The following LRCH1 variants were observed in gnomAD, a reference collection of about 807,000 sequenced individuals.
LRCH1 encodes the protein leucine rich repeats and calponin homology domain containing 1, also known as leucine-rich repeat and calponin homology domain-containing protein 1.
Under a neutral mutation model 94.9 loss-of-function variants are expected in LRCH1, and 23 were observed. That is an observed-to-expected ratio of 0.24 (90% CI 0.17 to 0.34). The LOEUF (loss-of-function observed/expected upper bound fraction) is 0.34. Among genes scored for constraint, LRCH1 ranks in the 10% least tolerant of loss-of-function variants. The probability of loss-of-function intolerance (pLI) is 1.00; values close to 1 mark genes in which losing one functional copy is unlikely to be tolerated. For missense variants in LRCH1, 790 were observed against 945.9 expected, an observed-to-expected ratio of 0.84 and a Z score of 2.16; for synonymous variants, 364 against 354.9, an observed-to-expected ratio of 1.03 and a Z score of -0.29.
chr13:46,553,657 C>T lies in LRCH1; in HGVS notation c.261C>T (p.Pro87=). 1 of 1,608,916 alleles carries T rather than the reference C, an allele frequency of 6.2e-7. No individual in the cohort carries two copies. The highest frequency in any genetic ancestry group is 8.5e-7 in the Non-Finnish European group (1 of 1,178,526). ...GCGCCAGGAAATTGAAGGAATTTCC[C>T]CGTACCGCAGCCCCCGGGCACGACC... ...NLSARKLKEF[P]RTAAPGHDLS... Residue 87 remains proline (P), a synonymous_variant, in exon 1 of 20, where the codon CCC becomes CCT. Transcript: ENST00000389797.
At chr13:46,694,826 G>T (rs1871090352) in intron 8 of LRCH1, 67 bp from the exon 9 acceptor site, 2 of 1,546,808 alleles carry the variant, frequency 1.3e-6, no homozygotes, top group South Asian at 1.1e-5. Context: ...CATATTTGAA[G>T]ATCAGCTGTG....
intron 1 of LRCH1, among the ~76,000 whole-genome samples, chr13:46,616,338 C>T (rs79491744): frequency 0.016 from 2,443 of 152,284 alleles, 49 homozygotes; most frequent in African/African-American, 0.046. Flanking sequence ...ATAAAAATAA[C>T]TTATTTGCTA....
chr13:46,637,473 TCTCACCCTTGTCCCCTCGCTGGAGTC>T (rs2051105872), intron 1 of LRCH1, among the ~76,000 whole-genome samples: 1 of 152,196 alleles, frequency 6.6e-6, no homozygotes. Flanking sequence ...TTCTTGATTT[TCTCACCCTTGTCCCCTCGCTGGAGTC>T]CCACAGCCTT....
chr13:46,562,417 C>T lies in LRCH1; in HGVS notation c.307+8714C>T, dbSNP rs996399094. Among the ~76,000 whole-genome samples, 7 of 152,268 alleles carry T rather than the reference C, an allele frequency of 4.6e-5. No homozygotes were observed. The East Asian group carries it at 1.2e-3, about 25-fold the overall frequency. On this transcript the variant is annotated intron_variant, in intron 1 of 19. Transcript: ENST00000389797. ...TGGCTTACAGGTGGAGGTTGTCTTC[C>T]TGGGTCTTCACAGGCCGTTCCTTTT...
At position 46,653,770 on chromosome 13, in the gene LRCH1, C is replaced by T. The variant is rs985792506; in HGVS notation, c.452+3425C>T. Among the ~76,000 whole-genome samples the T allele has an allele frequency of 4.0e-5, 6 of 151,892 alleles. No individual in the cohort carries two copies. In the South Asian group the frequency reaches 1.3e-3, roughly 32 times the overall value. ...CTGGGAGGTTGAAGCTGCGGTGAGC[C>T]GTGATTGTGCTACTGCATTCCAGCC... On this transcript the variant is annotated intron_variant, in intron 2 of 19. Coordinates refer to ENST00000389797, the MANE Select transcript of LRCH1 (RefSeq NM_001164211.2).
intron 1 of LRCH1, among the ~76,000 whole-genome samples, chr13:46,575,577 C>G (rs1376925127): frequency 6.7e-6 from 1 of 149,898 alleles, no homozygotes; most frequent in Non-Finnish European, 1.5e-5. Flanking sequence ...TTCCTACTTG[C>G]AAAAATCCTC....
intron 2 of LRCH1, among the ~76,000 whole-genome samples, chr13:46,663,642 G>A (rs1396516968): frequency 6.6e-6 from 1 of 152,218 alleles, no homozygotes; most frequent in African/African-American, 2.4e-5. Context: ...ACAAAATTAG[G>A]TGAGGTATCC....
At chr13:46,730,454 A>G (rs1199702424) in intron 18 of LRCH1, among the ~76,000 whole-genome samples, 1 of 152,132 alleles carries the variant, frequency 6.6e-6, no homozygotes, top group Non-Finnish European at 1.5e-5. Flanking sequence ...GCCCTCTCCC[A>G]TCCCCAGGAG....
At chr13:46,712,807 G>A (rs902604443) in intron 15 of LRCH1, among the ~76,000 whole-genome samples, 3 of 152,158 alleles carry the variant, frequency 2.0e-5, no homozygotes, top group African/African-American at 4.8e-5. Flanking sequence ...TTCTATCTTC[G>A]TTTGAATCCG....
At chr13:46,643,307 TC>T (rs529788020) in intron 1 of LRCH1, among the ~76,000 whole-genome samples, 216 of 152,368 alleles carry the variant, frequency 1.4e-3, no homozygotes, top group Middle Eastern at 3.4e-3. Flanking sequence ...TAGTGGTGCT[TC>T]TGGCATGGCT....
intron 1 of LRCH1, among the ~76,000 whole-genome samples, chr13:46,602,036 C>T (rs1316249824): frequency 6.6e-6 from 1 of 152,256 alleles, no homozygotes; most frequent in African/African-American, 2.4e-5. Context: ...ATCATAGATC[C>T]AGCTATGGTT....
At chr13:46,673,820 G>A (rs1422865935) in intron 3 of LRCH1, among the ~76,000 whole-genome samples, 3 of 135,958 alleles carry the variant, frequency 2.2e-5, no homozygotes, top group East Asian at 2.1e-4. Context: ...AGCGGCTGTC[G>A]CCGAGGCTAG....
At chr13:46,697,040 C>T (rs962064275) in intron 9 of LRCH1, among the ~76,000 whole-genome samples, 2 of 152,214 alleles carry the variant, frequency 1.3e-5, no homozygotes, top group African/African-American at 4.8e-5. Context: ...TGCACTCCAG[C>T]CTGGGTGAAA....
Position 46,712,736 on chromosome 13 carries a change from G to T in LRCH1, c.1654+139G>T, listed in dbSNP as rs143149671. ...ATCCTGGCATCTACAGCTAGGGGAG[G>T]CCAGAGTTTGTAGCTTTGTTTTCAG... On this transcript the variant is annotated intron_variant, in intron 15 of 19. Coordinates refer to ENST00000389797, the MANE Select transcript of LRCH1 (RefSeq NM_001164211.2). 8.8e-5 allele frequency: 63 copies of T among 718,764 alleles called. No homozygotes were observed. In the East Asian group the frequency reaches 1.5e-3, roughly 18 times the overall value. The allele number at this position is 718,764 out of a possible 1,614,324, so 44.5% of individuals were successfully genotyped here.
chr13:46,670,891 T>C (rs1476533246), intron 3 of LRCH1, among the ~76,000 whole-genome samples: 1 of 152,162 alleles, frequency 6.6e-6, no homozygotes, highest in Non-Finnish European at 1.5e-5. Context: ...TAGAAGTCCA[T>C]GTCGTGCTTG....
At chr13:46,581,139 CT>C (rs1292268331) in intron 1 of LRCH1, among the ~76,000 whole-genome samples, 1 of 152,176 alleles carries the variant, frequency 6.6e-6, no homozygotes, top group Admixed American at 6.5e-5. Flanking sequence ...CATGTGTCAG[CT>C]GCATCATGTC....
At chr13:46,567,637 A>G (rs1188311893) in intron 1 of LRCH1, among the ~76,000 whole-genome samples, 1 of 152,098 alleles carries the variant, frequency 6.6e-6, no homozygotes, top group Non-Finnish European at 1.5e-5. Flanking sequence ...TTGTTCAGAT[A>G]TTTACAATGA....
At chr13:46,662,307 G>A (rs549912550) in intron 2 of LRCH1, among the ~76,000 whole-genome samples, 1 of 152,270 alleles carries the variant, frequency 6.6e-6, no homozygotes, top group South Asian at 2.1e-4. Context: ...TTTCCTGTGT[G>A]CCAGGAGCAA....
intron 1 of LRCH1, among the ~76,000 whole-genome samples, chr13:46,558,600 C>CAAAAAAAAAAAAAAAAAAAAAAAAAA (rs2050094947): frequency 1.6e-5 from 1 of 63,966 alleles, no homozygotes; most frequent in Non-Finnish European, 3.1e-5. Flanking sequence ...AAAAAAAAAG[C>CAAAAAAAAAAAAAAAAAAAAAAAAAA]TGGGTTCCTG....
Sources: gnomAD v4.1 joint callset for allele counts (sites outside exome capture counted in the v4.1 genomes callset) on GRCh38, gnomAD v4.1.1 for gene constraint, MANE v1.5 for transcripts, NCBI Gene and HGNC (gene_info 2026-07-23, HGNC 2026-07-21) for gene names.